AOPEP: variants seen among roughly 807,000 people sequenced by gnomAD.
The protein encoded by AOPEP is aminopeptidase O.
AOPEP carries 77 observed loss-of-function variants against 98.1 expected under a neutral mutation model. The ratio of observed to expected loss-of-function variants is 0.78; its 90% CI spans 0.65 to 0.95. AOPEP has a LOEUF of 0.95. Among genes scored for constraint, AOPEP ranks in the 40% least tolerant of loss-of-function variants. AOPEP has a pLI of 0.00. For synonymous variants in AOPEP, 346 were observed against 365.3 expected, an observed-to-expected ratio of 0.95 and a Z score of 0.60; for missense variants, 1,024 against 1,024.7, an observed-to-expected ratio of 1.00 and a Z score of 0.01.
intron 13 of AOPEP, among the ~76,000 whole-genome samples, chr9:95,054,564 A>T (rs914147454): frequency 3.9e-5 from 6 of 152,250 alleles, no homozygotes; most frequent in Non-Finnish European, 7.3e-5. Context: ...AGAATTATTT[A>T]TGCCAGTAAA....
chr9:95,036,664 C>T (rs1288004691), intron 13 of AOPEP, among the ~76,000 whole-genome samples: 1 of 150,482 alleles, frequency 6.6e-6, no homozygotes. Context: ...TCTTCTTCCT[C>T]CTCCTCTTCT....
At chr9:94,817,356 T>C (rs1022603719) in intron 5 of AOPEP, among the ~76,000 whole-genome samples, 2 of 152,158 alleles carry the variant, frequency 1.3e-5, no homozygotes, top group African/African-American at 4.8e-5. Context: ...TGGCATGAAA[T>C]GAAGAAGAAG....
At chr9:95,096,080 TC>T in the AOPEP span, among the ~76,000 whole-genome samples, 1 of 152,144 alleles carries the variant, frequency 6.6e-6, no homozygotes, top group African/African-American at 2.4e-5. Context: ...TAGAGGCTTC[TC>T]AGAACACACA....
chr9:95,041,061 A>AG (rs2065246326), intron 13 of AOPEP, among the ~76,000 whole-genome samples: 1 of 151,800 alleles, frequency 6.6e-6, no homozygotes, highest in Non-Finnish European at 1.5e-5. Context: ...AAAAAAAAAA[A>AG]AGCAAGTAAT....
In AOPEP at chr9:94,748,599, A is replaced by C. The variant is rs1238888592; in HGVS notation, c.-135-11050A>C. The stretch of plus-strand genomic sequence containing the variant: ...TGCTTTTATCTACAGTTTTTCCACT[A>C]ATGTCCTTTTTGTTTGTTTGTTTGT... On this transcript the variant is annotated intron_variant, in intron 1 of 16. Transcript: ENST00000375315. 2.0e-5 allele frequency among the ~76,000 whole-genome samples: 3 copies of C among 152,224 alleles called. No homozygotes were observed. The South Asian group carries it at 6.2e-4, about 32-fold the overall frequency.
intron 13 of AOPEP, among the ~76,000 whole-genome samples, chr9:95,007,264 G>A (rs1290287506): frequency 6.6e-6 from 1 of 152,016 alleles, no homozygotes; most frequent in Admixed American, 6.5e-5. Flanking sequence ...GAAAGGAAGG[G>A]GAAGCCATTA....
chr9:94,752,918 G>T (rs1431844514), intron 1 of AOPEP, among the ~76,000 whole-genome samples: 1 of 152,206 alleles, frequency 6.6e-6, no homozygotes, highest in African/African-American at 2.4e-5. Flanking sequence ...TGAGATGCTC[G>T]TGCTGGGGGC....
intron 5 of AOPEP, among the ~76,000 whole-genome samples, chr9:94,847,136 A>ACT (rs1334510980): frequency 6.8e-6 from 1 of 147,600 alleles, no homozygotes; most frequent in African/African-American, 2.6e-5. Flanking sequence ...GTACACACAC[A>ACT]CACACACACA....
At chr9:94,786,869 T>C (rs947363712) in intron 3 of AOPEP, among the ~76,000 whole-genome samples, 1 of 152,184 alleles carries the variant, frequency 6.6e-6, no homozygotes, top group Non-Finnish European at 1.5e-5. Context: ...GCCCAGCCAA[T>C]TGATCTGCCC....
At chr9:95,100,934 C>T in the AOPEP span, 1 of 233,228 alleles carries the variant, frequency 4.3e-6, no homozygotes, top group Non-Finnish European at 8.5e-6. Flanking sequence ...CCAGCCAGGC[C>T]AATTCTTTAT....
chr9:94,754,369 G>A (rs754749103), intron 1 of AOPEP, among the ~76,000 whole-genome samples: 6 of 152,126 alleles, frequency 3.9e-5, no homozygotes. Context: ...TCAAGTAATC[G>A]GTGGAATTAA....
chr9:95,094,229 A>T, the AOPEP span, among the ~76,000 whole-genome samples: 9 of 152,228 alleles, frequency 5.9e-5, no homozygotes, highest in African/African-American at 1.9e-4. Context: ...ACTAGTGTGG[A>T]TCCCTGCAGT....
chr9:94,959,168 C>T (rs537610454), intron 9 of AOPEP, among the ~76,000 whole-genome samples: 21 of 152,114 alleles, frequency 1.4e-4, no homozygotes, highest in South Asian at 4.2e-4. Flanking sequence ...CTCAGCCTCC[C>T]GAGTAGCTGG....
chr9:95,100,511 G>A, the AOPEP span: 1 of 232,132 alleles, frequency 4.3e-6, no homozygotes, highest in African/African-American at 2.2e-5. Flanking sequence ...AGCAAGTCTT[G>A]ACTCACTTGA....
intron 15 of AOPEP, 24 bp from the exon 16 acceptor site, chr9:95,082,551 C>A (rs1320649284): frequency 6.2e-7 from 1 of 1,612,278 alleles, no homozygotes; most frequent in Non-Finnish European, 8.5e-7. Context: ...TCGCCTGATG[C>A]CCTTTGGCCT....
intron 1 of AOPEP, among the ~76,000 whole-genome samples, chr9:94,731,694 C>T (rs1191511802): frequency 3.3e-5 from 5 of 150,758 alleles, no homozygotes; most frequent in Admixed American, 6.6e-5. Context: ...TAAAGTCTCT[C>T]GTTGGTAAAA....
rs565775082 is a variant in AOPEP, at chr9:94,980,742, G to C, written c.1977+1315G>C. ...GGTAGGACAAGGCAGTGCGTGGTTGGGGGCAGCGCCTTTCACTCACGTGTG... is the reference window on the plus strand; with the variant it reads ...GGTAGGACAAGGCAGTGCGTGGTTGCGGGCAGCGCCTTTCACTCACGTGTG... On this transcript the variant is annotated intron_variant, in intron 11 of 16. Coordinates refer to ENST00000375315, the MANE Select transcript of AOPEP (RefSeq NM_001193329.3). This position sits in a 1 kb window ranked among gnomAD's most constrained non-coding sequence, Gnocchi z 4.3. 3.4e-3 allele frequency among the ~76,000 whole-genome samples: 524 copies of C among 152,342 alleles called. No homozygotes were observed. The highest frequency in any genetic ancestry group is 5.8e-3 in the Non-Finnish European group (393 of 68,024).
At chr9:94,822,702 T>A (rs780072448) in intron 5 of AOPEP, among the ~76,000 whole-genome samples, 1 of 152,172 alleles carries the variant, frequency 6.6e-6, no homozygotes, top group Non-Finnish European at 1.5e-5. Flanking sequence ...CACAACAAGC[T>A]GGAAAGATGT....
At chr9:94,804,256 A>T (rs778431523) in intron 5 of AOPEP, among the ~76,000 whole-genome samples, 1 of 152,196 alleles carries the variant, frequency 6.6e-6, no homozygotes, top group Non-Finnish European at 1.5e-5. Context: ...TTACCTTTGT[A>T]TGTGTGTATA....
Sources: gnomAD v4.1 joint callset for allele counts (sites outside exome capture counted in the v4.1 genomes callset) on GRCh38, gnomAD v4.1.1 for gene constraint, Gnocchi (gnomAD v3.1) non-coding constraint, MANE v1.5 for transcripts, NCBI Gene and HGNC (gene_info 2026-07-23, HGNC 2026-07-21) for gene names.